SLC25A26: variants seen among roughly 807,000 people sequenced by gnomAD.
SLC25A26 encodes mitochondrial S-adenosylmethionine carrier protein.
SLC25A26 carries 36 observed loss-of-function variants against 37.8 expected under a neutral mutation model. That is an observed-to-expected ratio of 0.95 (90% CI 0.73 to 1.26). The LOEUF (loss-of-function observed/expected upper bound fraction) is 1.26, where lower values mean the gene tolerates loss of function less well. SLC25A26 is among the 50% of genes most tolerant of loss of function. The pLI is 0.00. For synonymous variants in SLC25A26, 129 were observed against 122.5 expected (o/e 1.05, Z -0.35); for missense variants, 390 against 331.1 (o/e 1.18, Z -1.38).
chr3:66,295,118 C>A (rs2074853319), intron 5 of SLC25A26, among the ~76,000 whole-genome samples: 2 of 152,072 alleles, frequency 1.3e-5, no homozygotes. Flanking sequence ...TATTTTGTAA[C>A]TCAGAGGATG....
intron 5 of SLC25A26, among the ~76,000 whole-genome samples, chr3:66,315,803 G>A (rs962278689): frequency 1.3e-5 from 2 of 152,096 alleles, no homozygotes; most frequent in African/African-American, 4.8e-5. Flanking sequence ...CTCCTGTATT[G>A]GGTCCATATA....
At chr3:66,205,701 T>G (rs1385849986) in intron 1 of SLC25A26, among the ~76,000 whole-genome samples, 1 of 152,228 alleles carries the variant, frequency 6.6e-6, no homozygotes, top group Non-Finnish European at 1.5e-5. Context: ...CTCTTCCTGA[T>G]AAGTGGAGGC....
chr3:66,332,354 T>A (rs1436213265), intron 5 of SLC25A26, among the ~76,000 whole-genome samples: 1 of 152,222 alleles, frequency 6.6e-6, no homozygotes, highest in African/African-American at 2.4e-5. Context: ...GATAATACTT[T>A]GCCGTACATC....
chr3:66,371,741 A>G (rs571946320), intron 9 of SLC25A26, among the ~76,000 whole-genome samples: 25 of 152,226 alleles, frequency 1.6e-4, no homozygotes, highest in African/African-American at 5.8e-4. Context: ...CCAGTTCCAC[A>G]GCAAACAAAG....
intron 2 of SLC25A26, among the ~76,000 whole-genome samples, chr3:66,242,857 C>T (rs1396058749): frequency 2.0e-5 from 3 of 152,166 alleles, no homozygotes; most frequent in Non-Finnish European, 4.4e-5. Context: ...TTATGGCCAT[C>T]CATAATGATA....
chr3:66,283,802 A>G (rs1412075510), intron 5 of SLC25A26, among the ~76,000 whole-genome samples: 1 of 152,232 alleles, frequency 6.6e-6, no homozygotes, highest in Non-Finnish European at 1.5e-5. Flanking sequence ...ACACATATTT[A>G]TGAGAGAGAA....
rs191434109 is a variant in SLC25A26 at position 66,252,093 on chromosome 3, A to G, written c.300+8781A>G. Among the ~76,000 whole-genome samples the G allele has an allele frequency of 5.5e-3, 842 of 152,358 alleles. 1 individual carries two copies. The highest frequency in any genetic ancestry group is 9.2e-3 in the Non-Finnish European group (627 of 68,028). On this transcript the variant is annotated intron_variant, in intron 3 of 9. Coordinates refer to ENST00000354883, the MANE Select transcript of SLC25A26 (RefSeq NM_001379210.1). ...TATTGCCACTGCATTGTAAATGGAA[A>G]GACTGAATACTACTCTCAAAGGACC...
chr3:66,283,666 G>A (rs1327874318), intron 5 of SLC25A26, among the ~76,000 whole-genome samples: 3 of 152,042 alleles, frequency 2.0e-5, no homozygotes, highest in African/African-American at 7.3e-5. Flanking sequence ...TTTTATTTTA[G>A]CCATTTTAGT....
At chr3:66,140,830 C>T (rs1191634295) in intron 1 of SLC25A26, among the ~76,000 whole-genome samples, 3 of 152,066 alleles carry the variant, frequency 2.0e-5, no homozygotes, top group Non-Finnish European at 2.9e-5. Context: ...AACTGCAGTA[C>T]TAAAAGGGTC....
At chr3:66,276,957 G>GA (rs56071860) in intron 5 of SLC25A26, among the ~76,000 whole-genome samples, 12,788 of 124,378 alleles carry the variant, frequency 0.1, 711 homozygotes, top group Admixed American at 0.21. Context: ...GGCACTGTTT[G>GA]AAAAAAAAAA....
In SLC25A26 at chr3:66,329,877, G is replaced by A. The variant is rs912679505; in HGVS notation, c.454-16487G>A. Among the ~76,000 whole-genome samples, 6 of 152,088 alleles carry A rather than the reference G, an allele frequency of 3.9e-5. No homozygotes were observed. In the South Asian group the frequency reaches 1.2e-3, roughly 32 times the overall value. On this transcript the variant is annotated intron_variant, in intron 5 of 9. Transcript: ENST00000354883. ...TCCAATGCATTTTAATACTGATGTA[G>A]GTAGAGATTATAAATTAACTTCTAG... is the stretch of plus-strand genomic sequence containing the variant.
intron 5 of SLC25A26, among the ~76,000 whole-genome samples, chr3:66,274,790 TA>T (rs1256674151): frequency 6.6e-6 from 1 of 152,084 alleles, no homozygotes; most frequent in Non-Finnish European, 1.5e-5. Flanking sequence ...GGAACACTTT[TA>T]CACTGTTGGT....
At chr3:66,362,678 CTCATT>C (rs1480687353) in intron 6 of SLC25A26, among the ~76,000 whole-genome samples, 177 bp from the exon 7 acceptor site, 4 of 152,208 alleles carry the variant, frequency 2.6e-5, no homozygotes, top group Non-Finnish European at 5.9e-5. Context: ...AGCTGTCACT[CTCATT>C]TCTGTGACTT....
chr3:66,197,215 A>G (rs1324054542), intron 1 of SLC25A26, among the ~76,000 whole-genome samples: 3 of 152,216 alleles, frequency 2.0e-5, no homozygotes, highest in Non-Finnish European at 4.4e-5. Context: ...ACTCAGATAT[A>G]TATATATACA....
intron 5 of SLC25A26, among the ~76,000 whole-genome samples, chr3:66,268,000 T>C (rs1279515799): frequency 6.6e-6 from 1 of 152,204 alleles, no homozygotes; most frequent in East Asian, 1.9e-4. Context: ...TCATGTTATA[T>C]AAGTCTCCTT....
chr3:66,197,870 G>A (rs964454767), intron 1 of SLC25A26, among the ~76,000 whole-genome samples: 7 of 152,204 alleles, frequency 4.6e-5, no homozygotes, highest in East Asian at 3.9e-4. Context: ...AGAAAATCAG[G>A]GTTAGATTCA....
intron 9 of SLC25A26, among the ~76,000 whole-genome samples, chr3:66,376,229 G>A (rs995391410): frequency 1.2e-4 from 18 of 152,192 alleles, no homozygotes; most frequent in African/African-American, 4.3e-4. Flanking sequence ...GGTGAACACT[G>A]TTGAAATTAC....
At chr3:66,362,819 A>T (rs541937268) in intron 6 of SLC25A26, 41 bp from the exon 7 acceptor site, 2 of 1,436,760 alleles carry the variant, frequency 1.4e-6, no homozygotes. Context: ...GATAAATTCA[A>T]ATATTTAATA....
chr3:66,233,132 C>T (rs1179427292), intron 1 of SLC25A26, among the ~76,000 whole-genome samples: 1 of 152,194 alleles, frequency 6.6e-6, no homozygotes, highest in Admixed American at 6.5e-5. Context: ...TGGTTTTGCC[C>T]TAGAGGGGAG....
Sources: gnomAD v4.1 joint callset for allele counts (sites outside exome capture counted in the v4.1 genomes callset) on GRCh38, gnomAD v4.1.1 for gene constraint, MANE v1.5 for transcripts, NCBI Gene and HGNC (gene_info 2026-07-23, HGNC 2026-07-21) for gene names.